Variants in UMPS observed in about 807,000 individuals in gnomAD.
The protein encoded by UMPS is uridine monophosphate synthetase.
In UMPS, 21 loss-of-function variants were observed where a neutral mutation model predicts 38.9. The ratio of observed to expected loss-of-function variants is 0.54; its 90% confidence interval spans 0.38 to 0.78. The LOEUF is 0.78. UMPS is among the 30% of genes least tolerant of loss of function. The pLI is 0.00. For missense variants in UMPS, 533 were observed against 591.6 expected (o/e 0.90, Z 1.03); for synonymous variants, 208 against 219.3 (o/e 0.95, Z 0.45).
chr3:124,739,949 A>G, intron 3 of UMPS, 75 bp from the exon 4 acceptor site: 1 of 1,358,584 alleles, frequency 7.4e-7, no homozygotes, highest in Non-Finnish European at 1.1e-6. Context: ...TTCATATTGT[A>G]GTTGGTTGGT....
At chr3:124,739,735 A>G (rs1361809692) in intron 3 of UMPS, among the ~76,000 whole-genome samples, 1 of 152,240 alleles carries the variant, frequency 6.6e-6, no homozygotes, top group Non-Finnish European at 1.5e-5. Flanking sequence ...CATGAGCTTC[A>G]GCCTTCAAGG....
At position 124,740,139 on chromosome 3, in the gene UMPS, C is replaced by T. The variant is rs2063546399; in HGVS notation, c.1098C>T (p.Leu366=). 3 of 1,613,886 alleles carry T rather than the reference C, an allele frequency of 1.9e-6. No individual in the cohort carries two copies. In the African/African-American group the frequency reaches 4.0e-5, roughly 22 times the overall value. The change falls in exon 4 of 6, where the codon CTC becomes CTT. Residue 366 remains leucine, a synonymous_variant. Coordinates refer to ENST00000232607, the MANE Select transcript of UMPS (RefSeq NM_000373.4). ...GCCTGCCTTTGCATCGGGGGTGCCT[C>T]CTTATTGCGGAAATGAGCTCCACCG... The part of the protein sequence containing the change: ...EVGLPLHRGC[L]LIAEMSSTGS...
rs58981387 is a variant in UMPS, at chr3:124,746,755, TTGTGTGTGTGTGTG to T, written c.*2700_*2713del. ...ATTCTGTAGAACATAAGCCCATAGA[TTGTGTGTGTGTGTG>T]TGTGTGTGTGTGTGTGTGTGTGTGT... On this transcript the variant is annotated 3_prime_UTR_variant, in exon 6 of 6. Transcript: ENST00000232607. The T allele has an allele frequency of 0.24, 101,511 of 420,266 alleles. 5,682 individuals carry two copies. The highest frequency in any genetic ancestry group is 0.31 in the Middle Eastern group (403 of 1,316). The allele number at this position is 420,266 out of a possible 1,614,324, so 26.0% of individuals were successfully genotyped here.
At chr3:124,738,717 GA>G (rs2150897738) in intron 3 of UMPS, 1 of 154,712 alleles carries the variant, frequency 6.5e-6, no homozygotes, top group East Asian at 1.9e-4. Flanking sequence ...AGGAAACAAT[GA>G]AAAAGAAATA....
In UMPS at chr3:124,745,708, G is replaced by A; in HGVS notation, c.*1624G>A. On this transcript the variant is annotated 3_prime_UTR_variant, in exon 6 of 6. Coordinates refer to ENST00000232607, the MANE Select transcript of UMPS (RefSeq NM_000373.4). ...GGGAGTTGGCCCTCAGGGCTACTCT[G>A]GGGAAGCCAAAAGTCATGAAGGGGA... The A allele has an allele frequency of 2.2e-6, 1 of 454,046 alleles. No individual in the cohort carries two copies. Among genetic ancestry groups the A allele is most frequent in the Non-Finnish European group, 4.4e-6 (1 of 226,784 alleles). The allele number at this position is 454,046 out of a possible 1,614,324, so 28.1% of individuals were successfully genotyped here. A position where few individuals can be genotyped will look rare whatever the true frequency, so the allele number is the denominator to read the frequency against.
At chr3:124,739,985 TG>T in intron 3 of UMPS, 38 bp from the exon 4 acceptor site, 1 of 1,610,218 alleles carries the variant, frequency 6.2e-7, no homozygotes, top group Non-Finnish European at 8.5e-7. Context: ...AGGTTTTGTT[TG>T]AAAATCAGCA....
At chr3:124,733,997 C>T (rs902796304) in intron 1 of UMPS, among the ~76,000 whole-genome samples, 5 of 152,102 alleles carry the variant, frequency 3.3e-5, no homozygotes, top group African/African-American at 1.2e-4. Context: ...TTAAACTTTT[C>T]ATAGTCCAGC....
chr3:124,743,794 G>A (rs1470849793), intron 5 of UMPS, 121 bp from the exon 6 acceptor site: 1 of 1,258,524 alleles, frequency 7.9e-7, no homozygotes, highest in East Asian at 2.5e-5. Context: ...TGTACAAAAG[G>A]GGAACGAAAG....
At position 124,748,892 on chromosome 3, in the gene UMPS, C is replaced by G. The variant is rs932918729; in HGVS notation, c.*4808C>G. 2 of 440,416 alleles carry G rather than the reference C, an allele frequency of 4.5e-6. No homozygotes were observed. Among genetic ancestry groups the G allele is most frequent in the African/African-American group, 2.0e-5 (1 of 49,714 alleles). 27.3% of individuals were successfully genotyped at this position (440,416 alleles called of 1,614,324 possible). A position where few individuals can be genotyped will look rare whatever the true frequency, so the allele number is the denominator to read the frequency against. The stretch of plus-strand genomic sequence containing the variant: ...GCATGGGAGTTAGCTGAGAAGCAGA[C>G]CTGGTGGGCCTGAGAGTCTCAATCG... On this transcript the variant is annotated 3_prime_UTR_variant, in exon 6 of 6. Coordinates refer to ENST00000232607, the MANE Select transcript of UMPS (RefSeq NM_000373.4).
Position 124,735,090 on chromosome 3 carries a change from C to T in UMPS, c.157-3C>T, listed in dbSNP as rs1263273670. On this transcript the variant is annotated splice_region_variant and splice_polypyrimidine_tract_variant and intron_variant, in intron 1 of 5. Transcript: ENST00000232607. ...CATTGTTTATGTGTTCATTTTCTTA[C>T]AGGTTGCAGATATTTTATTCCAAAC... The T allele has an allele frequency of 1.2e-6, 2 of 1,612,698 alleles. No homozygotes were observed. Among genetic ancestry groups the T allele is most frequent in the Non-Finnish European group, 1.7e-6 (2 of 1,179,074 alleles).
At chr3:124,734,916 G>C (rs942654146) in intron 1 of UMPS, among the ~76,000 whole-genome samples, 177 bp from the exon 2 acceptor site, 1 of 152,160 alleles carries the variant, frequency 6.6e-6, no homozygotes, top group Non-Finnish European at 1.5e-5. Context: ...AGCTCCTTGG[G>C]AGGCTGGGGC....
chr3:124,747,539 G>A lies in UMPS; in HGVS notation c.*3455G>A, dbSNP rs2063612230. On this transcript the variant is annotated 3_prime_UTR_variant, in exon 6 of 6. Transcript: ENST00000232607. Reference sequence around the variant, plus strand: ...CTGGTTAGCCCATGGCTTCTGAAGAGCAAGAGAAAGTAGAGCAGAGCCTAC... The same window carrying A: ...CTGGTTAGCCCATGGCTTCTGAAGAACAAGAGAAAGTAGAGCAGAGCCTAC... 2.2e-6 allele frequency: 1 copy of A among 453,968 alleles called. No homozygotes were observed. The highest frequency in any genetic ancestry group is 2.4e-5 in the Admixed American group (1 of 42,550). 28.1% of individuals were successfully genotyped at this position (453,968 alleles called of 1,614,324 possible).
Position 124,747,957 on chromosome 3 carries a change from C to T in UMPS, c.*3873C>T, listed in dbSNP as rs993982649. On this transcript the variant is annotated 3_prime_UTR_variant, in exon 6 of 6. Transcript: ENST00000232607. Reference sequence around the variant, plus strand: ...TGCCCCTTAACAGGTGGGTATGAATCGTGTCTTCAGTGCCAGGGCTGAATG... The same window carrying T: ...TGCCCCTTAACAGGTGGGTATGAATTGTGTCTTCAGTGCCAGGGCTGAATG... 7.0e-5 allele frequency: 32 copies of T among 453,914 alleles called. No individual in the cohort carries two copies. The highest frequency in any genetic ancestry group is 5.6e-4 in the East Asian group (8 of 14,386). 28.1% of individuals were successfully genotyped at this position (453,914 alleles called of 1,614,324 possible). A position where few individuals can be genotyped will look rare whatever the true frequency, so the allele number is the denominator to read the frequency against.
intron 4 of UMPS, among the ~76,000 whole-genome samples, chr3:124,741,212 G>C (rs558833842): frequency 6.6e-6 from 1 of 152,220 alleles, no homozygotes; most frequent in Admixed American, 6.5e-5. Context: ...TGGGAGTCTG[G>C]GTCTGGCTCA....
Position 124,740,142 on chromosome 3 carries a change from T to A in UMPS, c.1101T>A (p.Leu367=). 1 of 1,613,864 alleles carries A rather than the reference T, an allele frequency of 6.2e-7. No individual in the cohort carries two copies. Among genetic ancestry groups the A allele is most frequent in the Non-Finnish European group, 8.5e-7 (1 of 1,180,004 alleles). Reference sequence around the variant, plus strand: ...TGCCTTTGCATCGGGGGTGCCTCCTTATTGCGGAAATGAGCTCCACCGGCT... The same window carrying A: ...TGCCTTTGCATCGGGGGTGCCTCCTAATTGCGGAAATGAGCTCCACCGGCT... The part of the protein sequence containing the change: ...VGLPLHRGCL[L]IAEMSSTGSL... The change falls in exon 4 of 6, where the codon CTT becomes CTA. Residue 367 remains leucine, a synonymous_variant. Transcript: ENST00000232607.
At position 124,737,885 on chromosome 3, in the gene UMPS, A is replaced by T. The variant is rs2150896716; in HGVS notation, c.628A>T (p.Asn210Tyr). Residue 210 changes from asparagine to tyrosine, a missense_variant, in exon 3 of 6, where the codon AAT becomes TAT. Coordinates refer to ENST00000232607, the MANE Select transcript of UMPS (RefSeq NM_000373.4). ...FIQENVFVAA[N>Y]HNGSPLSIKE... ...TCAGGAGAATGTCTTTGTGGCAGCG[A>T]ATCATAATGGTTCTCCCCTTTCTAT... is the stretch of plus-strand genomic sequence containing the variant. 3 of 1,614,216 alleles carry T rather than the reference A, an allele frequency of 1.9e-6. No homozygotes were observed. Among genetic ancestry groups the T allele is most frequent in the Non-Finnish European group, 2.5e-6 (3 of 1,180,038 alleles).
At chr3:124,741,697 A>G (rs2063557862) in intron 4 of UMPS, among the ~76,000 whole-genome samples, 1 of 152,234 alleles carries the variant, frequency 6.6e-6, no homozygotes, top group Non-Finnish European at 1.5e-5. Flanking sequence ...ATTATTAGAA[A>G]TAAGAAATTA....
In UMPS at chr3:124,747,299, C is replaced by T. The variant is rs758906681; in HGVS notation, c.*3215C>T. 1.2e-4 allele frequency: 55 copies of T among 455,366 alleles called. No individual in the cohort carries two copies. Among genetic ancestry groups the T allele is most frequent in the Non-Finnish European group, 2.4e-4 (54 of 226,794 alleles). The allele number at this position is 455,366 out of a possible 1,614,324, so 28.2% of individuals were successfully genotyped here. A position where few individuals can be genotyped will look rare whatever the true frequency, so the allele number is the denominator to read the frequency against. On this transcript the variant is annotated 3_prime_UTR_variant, in exon 6 of 6. Coordinates refer to ENST00000232607, the MANE Select transcript of UMPS (RefSeq NM_000373.4). ...CAGTTGCAGTGGTTGCCATCTGGGT[C>T]ATCAGACCTGGCTGTCAGGGGTGCA...
chr3:124,740,294 G>T, intron 4 of UMPS, 95 bp downstream of exon 4: 1 of 1,318,022 alleles, frequency 7.6e-7, no homozygotes, highest in Non-Finnish European at 1.0e-6. Context: ...TGGAACCTCT[G>T]CCAAAAAAAA....
Sources: allele counts gnomAD v4.1 joint callset (sites outside exome capture counted in the v4.1 genomes callset), GRCh38; gene constraint gnomAD v4.1.1; transcripts MANE v1.5; gene names NCBI Gene and HGNC (gene_info 2026-07-23, HGNC 2026-07-21).